The following SSBP2 variants were observed in gnomAD, a reference collection of about 807,000 sequenced individuals.
SSBP2 encodes the protein single stranded DNA binding protein 2.
SSBP2 carries 17 observed loss-of-function variants against 61.8 expected under a neutral mutation model. The ratio of observed to expected loss-of-function variants is 0.28; its 90% confidence interval spans 0.19 to 0.41. SSBP2 has a LOEUF of 0.41. Among genes scored for constraint, SSBP2 ranks in the 10% least tolerant of loss-of-function variants. The probability of loss-of-function intolerance (pLI) is 1.00; values close to 1 mark genes in which losing one functional copy is unlikely to be tolerated. For synonymous variants in SSBP2, 139 were observed against 141.3 expected (o/e 0.98, Z 0.12); for missense variants, 310 against 458.7 (o/e 0.68, Z 2.96).
chr5:81,534,283 T>C (rs958695922), intron 4 of SSBP2, among the ~76,000 whole-genome samples: 2 of 152,104 alleles, frequency 1.3e-5, no homozygotes, highest in Admixed American at 6.6e-5. Flanking sequence ...CAGTTCCTTT[T>C]ACCCAGGATA....
chr5:81,526,014 A>C (rs1377610909), intron 4 of SSBP2, among the ~76,000 whole-genome samples: 2 of 152,086 alleles, frequency 1.3e-5, no homozygotes, highest in African/African-American at 4.8e-5. Flanking sequence ...TTTTCCAGGA[A>C]GAAGGTCATC....
At position 81,545,288 on chromosome 5, in the gene SSBP2, C is replaced by A. The variant is rs116776898; in HGVS notation, c.283-31571G>T. On this transcript the variant is annotated intron_variant, in intron 4 of 16. Transcript: ENST00000320672. ...ACTGGGCATCTTGAATTTTATCTGG[C>A]AATCCTATACATAGTAGACTGTGAC... Among the ~76,000 whole-genome samples, 929 of 152,164 alleles carry A rather than the reference C, an allele frequency of 6.1e-3. 13 individuals are homozygous for A. The highest frequency in any genetic ancestry group is 0.021 in the African/African-American group (890 of 41,508).
chr5:81,713,026 C>A (rs2153942921), intron 1 of SSBP2, among the ~76,000 whole-genome samples: 1 of 151,992 alleles, frequency 6.6e-6, no homozygotes, highest in Non-Finnish European at 1.5e-5. Flanking sequence ...CCACACCTGG[C>A]CTAAAGGGAT....
At chr5:81,422,546 C>G (rs569315856) in intron 16 of SSBP2, among the ~76,000 whole-genome samples, 311 of 152,268 alleles carry the variant, frequency 2.0e-3, no homozygotes, top group Admixed American at 4.5e-3. Context: ...TTGTTAATCA[C>G]TTCACAGCCT....
chr5:81,413,833 T>A lies in SSBP2; in HGVS notation c.*6671A>T, dbSNP rs956527439. 1 of 152,216 alleles carries A rather than the reference T, an allele frequency of 6.6e-6. No individual in the cohort carries two copies. The highest frequency in any genetic ancestry group is 1.5e-5 in the Non-Finnish European group (1 of 68,010). The allele number at this position is 152,216 out of a possible 1,614,324, so 9.4% of individuals were successfully genotyped here. A position where few individuals can be genotyped will look rare whatever the true frequency, so the allele number is the denominator to read the frequency against. Reference sequence around the variant, plus strand: ...TGTACAGATTATTTGAATTGTTTTTTAATAAGTAGATGGCCAATTATATTT... The same window carrying A: ...TGTACAGATTATTTGAATTGTTTTTAAATAAGTAGATGGCCAATTATATTT... On this transcript the variant is annotated 3_prime_UTR_variant, in exon 17 of 17. Transcript: ENST00000320672.
chr5:81,497,442 A>G (rs1314503707), intron 5 of SSBP2, among the ~76,000 whole-genome samples: 1 of 152,182 alleles, frequency 6.6e-6, no homozygotes, highest in East Asian at 1.9e-4. Context: ...AAAGCCCGCA[A>G]AAGATATAAT....
chr5:81,542,817 TTCTCTCTCTCTC>T lies in SSBP2; in HGVS notation c.283-29112_283-29101del, dbSNP rs60252222. ...ATGGTTTTTATAAGTATTTGACAGTTTCTCTCTCTCTCTCTCTCTCTCTCTCTCTCTCTCTCC... is the reference window on the plus strand; with the variant it reads ...ATGGTTTTTATAAGTATTTGACAGTTTCTCTCTCTCTCTCTCTCTCTCTCC... On this transcript the variant is annotated intron_variant, in intron 4 of 16. Transcript: ENST00000320672. Among the ~76,000 whole-genome samples the T allele has an allele frequency of 8.0e-3, 852 of 106,786 alleles. 12 individuals carry two copies. Among genetic ancestry groups the T allele is most frequent in the African/African-American group, 0.032 (782 of 24,620 alleles). 70.1% of individuals were successfully genotyped at this position (106,786 alleles called of 152,430 possible).
At chr5:81,515,690 TTTC>T (rs1768962548) in intron 4 of SSBP2, among the ~76,000 whole-genome samples, 1 of 151,936 alleles carries the variant, frequency 6.6e-6, no homozygotes, top group Non-Finnish European at 1.5e-5. Context: ...TTATTTTTTT[TTTC>T]TTTTTTAGCA....
Position 81,433,606 on chromosome 5 carries a change from A to G in SSBP2, c.957+3824T>C, listed in dbSNP as rs558674815. 2.7e-3 allele frequency among the ~76,000 whole-genome samples: 401 copies of G among 150,870 alleles called. 3 individuals carry two copies. The highest frequency in any genetic ancestry group is 7.3e-3 in the African/African-American group (302 of 41,180). ...AGAATGATCAATAAAAAAAAAAAAA[A>G]AAAGAAAGAAAACAAACCATATACT... On this transcript the variant is annotated intron_variant, in intron 15 of 16. Coordinates refer to ENST00000320672, the MANE Select transcript of SSBP2 (RefSeq NM_012446.5).
chr5:81,628,496 A>G (rs1747399727), intron 3 of SSBP2, among the ~76,000 whole-genome samples: 1 of 152,230 alleles, frequency 6.6e-6, no homozygotes, highest in African/African-American at 2.4e-5. Context: ...AACTTTAAAT[A>G]GAAAGTTTTT....
At chr5:81,718,387 T>A (rs1235544866) in intron 1 of SSBP2, among the ~76,000 whole-genome samples, 2 of 151,946 alleles carry the variant, frequency 1.3e-5, no homozygotes, top group African/African-American at 4.8e-5. Flanking sequence ...ATAACAGTGA[T>A]AAGAGAAAGA....
intron 4 of SSBP2, among the ~76,000 whole-genome samples, chr5:81,577,659 G>GA (rs1358891059): frequency 2.6e-5 from 4 of 151,756 alleles, no homozygotes; most frequent in Non-Finnish European, 4.4e-5. Flanking sequence ...CATTTGTCCT[G>GA]AAAATCAATA....
At chr5:81,545,014 C>T (rs1310874211) in intron 4 of SSBP2, among the ~76,000 whole-genome samples, 1 of 152,190 alleles carries the variant, frequency 6.6e-6, no homozygotes, top group African/African-American at 2.4e-5. Flanking sequence ...GAGTATGAGA[C>T]TCTCACTGAC....
At chr5:81,744,770 T>C (rs1330720785) in intron 1 of SSBP2, among the ~76,000 whole-genome samples, 1 of 152,156 alleles carries the variant, frequency 6.6e-6, no homozygotes. Flanking sequence ...TGAACTGTGA[T>C]TTAAAATGTT....
chr5:81,531,148 G>C (rs1770366974), intron 4 of SSBP2, among the ~76,000 whole-genome samples: 1 of 150,066 alleles, frequency 6.7e-6, no homozygotes, highest in Non-Finnish European at 1.5e-5. Flanking sequence ...TGAGGTGGGT[G>C]AATCACTTGA....
chr5:81,551,932 T>C (rs2154130358), intron 4 of SSBP2, among the ~76,000 whole-genome samples: 1 of 152,298 alleles, frequency 6.6e-6, no homozygotes, highest in East Asian at 1.9e-4. Context: ...TCTTAGGAAA[T>C]TTCTAAGAAT....
At chr5:81,549,583 A>T (rs6898968) in intron 4 of SSBP2, among the ~76,000 whole-genome samples, 8,012 of 152,262 alleles carry the variant, frequency 0.053, 392 homozygotes, top group African/African-American at 0.12. Context: ...TTTGGAAAGA[A>T]CAGTGTACCT....
chr5:81,732,608 C>T (rs398738), intron 1 of SSBP2, among the ~76,000 whole-genome samples: 122,957 of 152,084 alleles, frequency 0.81, 50,049 homozygotes, highest in Middle Eastern at 0.91. Context: ...TTTTCACAGG[C>T]ACAATAAATT....
intron 5 of SSBP2, among the ~76,000 whole-genome samples, chr5:81,493,805 C>A (rs1037236615): frequency 6.6e-6 from 1 of 151,892 alleles, no homozygotes; most frequent in African/African-American, 2.4e-5. Flanking sequence ...GCTCTGCTGC[C>A]CAGGCTGGTC....
Sources: gnomAD v4.1 joint callset for allele counts (sites outside exome capture counted in the v4.1 genomes callset) on GRCh38, gnomAD v4.1.1 for gene constraint, MANE v1.5 for transcripts, NCBI Gene and HGNC (gene_info 2026-07-23, HGNC 2026-07-21) for gene names.